The following GRID2 variants were observed in gnomAD, a reference collection of about 807,000 sequenced individuals.
GRID2 encodes the protein glutamate receptor ionotropic, delta-2.
In GRID2, 33 loss-of-function variants were observed where a neutral mutation model predicts 114.8. The observed-to-expected ratio is 0.29, with a 90% CI of 0.22 to 0.38. The LOEUF (loss-of-function observed/expected upper bound fraction) is 0.38. Among genes scored for constraint, GRID2 ranks in the 10% least tolerant of loss-of-function variants. GRID2 has a pLI of 1.00. For synonymous variants in GRID2, 505 were observed against 449.9 expected (o/e 1.12, Z -1.55); for missense variants, 1,184 against 1,257.7 (o/e 0.94, Z 0.89).
chr4:93,373,465 T>G (rs1763108434), intron 8 of GRID2, among the ~76,000 whole-genome samples: 1 of 152,192 alleles, frequency 6.6e-6, no homozygotes, highest in Admixed American at 6.5e-5. Context: ...GTCTTACTAC[T>G]GATTATCTTA....
intron 3 of GRID2, among the ~76,000 whole-genome samples, chr4:93,106,129 A>G (rs1579003127): frequency 6.6e-6 from 1 of 152,158 alleles, no homozygotes; most frequent in South Asian, 2.1e-4. Context: ...GAAACTACAG[A>G]AACTTCTTTT....
At chr4:92,684,813 T>C (rs1202041401) in intron 2 of GRID2, among the ~76,000 whole-genome samples, 1 of 152,102 alleles carries the variant, frequency 6.6e-6, no homozygotes, top group Non-Finnish European at 1.5e-5. Context: ...AGATGATTTT[T>C]AGACTTATGA....
chr4:92,975,398 A>G (rs1263207643), intron 2 of GRID2, among the ~76,000 whole-genome samples: 1 of 152,068 alleles, frequency 6.6e-6, no homozygotes, highest in African/African-American at 2.4e-5. Context: ...CATGGATGGA[A>G]CAGGCTTGAA....
chr4:92,514,023 C>G (rs1328381468), intron 1 of GRID2, among the ~76,000 whole-genome samples: 2 of 151,788 alleles, frequency 1.3e-5, no homozygotes, highest in Admixed American at 1.3e-4. Context: ...AACTTTGGAA[C>G]TGTGGGACAT....
chr4:93,637,450 C>T lies in GRID2; in HGVS notation c.2360+11015C>T, dbSNP rs1284154994. ...ACAATACTATCCTGGCTCATATTCC[C>T]ACAAGTCTAAGAACATGCACCAGTG... On this transcript the variant is annotated intron_variant, in intron 14 of 15. Coordinates refer to ENST00000282020, the MANE Select transcript of GRID2 (RefSeq NM_001510.4). Among the ~76,000 whole-genome samples, 3 of 152,262 alleles carry T rather than the reference C, an allele frequency of 2.0e-5. No homozygotes were observed. In the East Asian group the frequency reaches 5.8e-4, roughly 29 times the overall value.
intron 14 of GRID2, among the ~76,000 whole-genome samples, chr4:93,727,199 T>C (rs1730000716): frequency 6.6e-6 from 1 of 152,032 alleles, no homozygotes; most frequent in African/African-American, 2.4e-5. Context: ...GCATGAAGGG[T>C]TGTTGAATTT....
intron 4 of GRID2, among the ~76,000 whole-genome samples, chr4:93,182,429 G>C (rs1163576476): frequency 1.3e-5 from 2 of 152,090 alleles, no homozygotes; most frequent in Non-Finnish European, 2.9e-5. Context: ...CTTTAAAATA[G>C]ACTGCATTAT....
At chr4:93,334,019 A>T (rs1467675288) in intron 8 of GRID2, among the ~76,000 whole-genome samples, 1 of 152,012 alleles carries the variant, frequency 6.6e-6, no homozygotes, top group African/African-American at 2.4e-5. Context: ...TTTGTCATAG[A>T]CTCTACTGGA....
At chr4:93,000,450 C>G (rs1755472645) in intron 2 of GRID2, among the ~76,000 whole-genome samples, 1 of 151,498 alleles carries the variant, frequency 6.6e-6, no homozygotes, top group Non-Finnish European at 1.5e-5. Context: ...TCTGGCAGAA[C>G]TTTTATTTTA....
At chr4:93,338,404 T>C (rs936042081) in intron 8 of GRID2, among the ~76,000 whole-genome samples, 12 of 152,114 alleles carry the variant, frequency 7.9e-5, no homozygotes, top group African/African-American at 2.9e-4. Context: ...AAGCATGCAG[T>C]TGGGAGGGGA....
chr4:93,063,159 A>G (rs548165600), intron 2 of GRID2, among the ~76,000 whole-genome samples: 38 of 152,008 alleles, frequency 2.5e-4, no homozygotes, highest in African/African-American at 9.1e-4. Context: ...AATAAATAGT[A>G]CTATGAAATT....
rs949136118 is a variant in GRID2 at position 93,763,465 on chromosome 4, T to C, written c.2361-5745T>C. 5.3e-5 allele frequency among the ~76,000 whole-genome samples: 8 copies of C among 152,336 alleles called. No homozygotes were observed. The South Asian group carries it at 6.2e-4, about 12-fold the overall frequency. ...AGCATGAATACATTTGCTATCACACTATAATTATATTGTTTGGTTTAGAGG... is the reference window on the plus strand; with the variant it reads ...AGCATGAATACATTTGCTATCACACCATAATTATATTGTTTGGTTTAGAGG... On this transcript the variant is annotated intron_variant, in intron 14 of 15. Transcript: ENST00000282020.
chr4:93,390,468 T>C (rs1325321108), intron 8 of GRID2, among the ~76,000 whole-genome samples: 4 of 152,152 alleles, frequency 2.6e-5, no homozygotes, highest in Non-Finnish European at 4.4e-5. Flanking sequence ...CAGTTAGTGG[T>C]CCCAAAAACT....
At position 93,083,730 on chromosome 4, in the gene GRID2, T is replaced by C. The variant is rs1730089751; in HGVS notation, c.245-1265T>C. Among the ~76,000 whole-genome samples the C allele has an allele frequency of 2.0e-5, 3 of 151,616 alleles. No individual in the cohort carries two copies. The South Asian group carries it at 6.2e-4, about 32-fold the overall frequency. ...AAAAAAAAAAAAAATACATCCTTGATGCTTTCACATTTATTGGAAATCAGT... is the reference window on the plus strand; with the variant it reads ...AAAAAAAAAAAAAATACATCCTTGACGCTTTCACATTTATTGGAAATCAGT... On this transcript the variant is annotated intron_variant, in intron 2 of 15. Coordinates refer to ENST00000282020, the MANE Select transcript of GRID2 (RefSeq NM_001510.4).
chr4:93,678,355 A>G (rs896465146), intron 14 of GRID2, among the ~76,000 whole-genome samples: 1 of 152,218 alleles, frequency 6.6e-6, no homozygotes, highest in Non-Finnish European at 1.5e-5. Context: ...AACACTCTGC[A>G]GGATATTATC....
At position 93,725,129 on chromosome 4, in the gene GRID2, A is replaced by G. The variant is rs1196293692; in HGVS notation, c.2361-44081A>G. Among the ~76,000 whole-genome samples the G allele has an allele frequency of 2.0e-5, 3 of 151,102 alleles. No homozygotes were observed. The East Asian group carries it at 5.8e-4, about 29-fold the overall frequency. ...GGTATATCTCCTAATGCTATCACTC[A>G]CCCCTCCCCCCACCAAACAACAGTC... On this transcript the variant is annotated intron_variant, in intron 14 of 15. Coordinates refer to ENST00000282020, the MANE Select transcript of GRID2 (RefSeq NM_001510.4).
intron 2 of GRID2, among the ~76,000 whole-genome samples, chr4:92,606,911 C>G (rs147321079): frequency 1.4e-3 from 211 of 152,098 alleles, no homozygotes; most frequent in African/African-American, 4.9e-3. Context: ...AGATTTCTAG[C>G]TTCTGTGCAT....
At chr4:92,562,183 C>T (rs1329838892) in intron 1 of GRID2, among the ~76,000 whole-genome samples, 1 of 152,086 alleles carries the variant, frequency 6.6e-6, no homozygotes, top group East Asian at 1.9e-4. Flanking sequence ...TCCTCTGTAA[C>T]AACATGAAAT....
At chr4:92,599,022 CTTTTCCTTTTTTTTTTTT>C (rs1204951889) in intron 2 of GRID2, among the ~76,000 whole-genome samples, 1 of 138,446 alleles carries the variant, frequency 7.2e-6, no homozygotes, top group Non-Finnish European at 1.5e-5. Flanking sequence ...TAATGAAATG[CTTTTCCTTTTTTTTTTTT>C]TTTTTTTTTC....
Sources: allele counts gnomAD v4.1 joint callset (sites outside exome capture counted in the v4.1 genomes callset), GRCh38; gene constraint gnomAD v4.1.1; transcripts MANE v1.5; gene names NCBI Gene and HGNC (gene_info 2026-07-23, HGNC 2026-07-21).